MTUS1: variants seen among roughly 807,000 people sequenced by gnomAD.
MTUS1 encodes microtubule associated scaffold protein 1, also known as microtubule-associated tumor suppressor 1.
In MTUS1, 109 loss-of-function variants were observed where a neutral mutation model predicts 120.8. The observed-to-expected ratio is 0.90, with a 90% CI of 0.77 to 1.06. MTUS1 has a LOEUF of 1.06. MTUS1 is among the 50% of genes least tolerant of loss of function. The pLI, the probability that MTUS1 is intolerant of heterozygous loss-of-function variation, is 0.00. For missense variants in MTUS1, 2,210 were observed against 1,486.3 expected (o/e 1.49, Z -8.01); for synonymous variants, 737 against 550.5 (o/e 1.34, Z -4.74).
At chr8:17,680,374 G>A (rs1353730616) in intron 7 of MTUS1, among the ~76,000 whole-genome samples, 3 of 146,972 alleles carry the variant, frequency 2.0e-5, no homozygotes, top group Non-Finnish European at 4.4e-5. Flanking sequence ...TGAGTCAGGA[G>A]AACTGGTTGA....
At chr8:17,697,781 C>G in intron 6 of MTUS1, 1 of 967,884 alleles carries the variant, frequency 1.0e-6, no homozygotes, top group Non-Finnish European at 1.2e-6. Context: ...ATCCTGTAAC[C>G]ACTTGAAAGA....
chr8:17,685,209 C>T (rs971216340), intron 6 of MTUS1, among the ~76,000 whole-genome samples: 5 of 151,220 alleles, frequency 3.3e-5, no homozygotes, highest in Non-Finnish European at 7.4e-5. Context: ...GTAATAACGG[C>T]TTACACAGTT....
chr8:17,655,253 A>AG (rs959988733), intron 9 of MTUS1, among the ~76,000 whole-genome samples: 13 of 36,164 alleles, frequency 3.6e-4, no homozygotes, highest in Non-Finnish European at 1.1e-3. Context: ...TTATTCAGTG[A>AG]AAAAAAAAAT....
chr8:17,736,097 C>T (rs1436689461), intron 3 of MTUS1, among the ~76,000 whole-genome samples: 5 of 152,202 alleles, frequency 3.3e-5, no homozygotes, highest in African/African-American at 1.2e-4. Flanking sequence ...AGAGCAGCGA[C>T]TCTAAGCACT....
At chr8:17,768,881 CAATT>C (rs2049785298) in intron 1 of MTUS1, among the ~76,000 whole-genome samples, 1 of 152,040 alleles carries the variant, frequency 6.6e-6, no homozygotes, top group Non-Finnish European at 1.5e-5. Context: ...AAAGATTAAA[CAATT>C]AATGGTATTT....
chr8:17,727,672 C>T (rs1382021425), intron 3 of MTUS1, among the ~76,000 whole-genome samples: 5 of 152,072 alleles, frequency 3.3e-5, no homozygotes, highest in East Asian at 3.9e-4. Flanking sequence ...GTTACAGTTC[C>T]GAAAAGGTGA....
intron 3 of MTUS1, among the ~76,000 whole-genome samples, chr8:17,739,514 A>G (rs1035892810): frequency 1.3e-5 from 2 of 151,950 alleles, no homozygotes; most frequent in Admixed American, 1.3e-4. Flanking sequence ...TAAATAAATA[A>G]ATTAATAAAT....
At chr8:17,675,336 G>A (rs760734366) in intron 7 of MTUS1, 84 bp from the exon 8 acceptor site, 2 of 1,228,640 alleles carry the variant, frequency 1.6e-6, no homozygotes, top group African/African-American at 1.5e-5. Context: ...CTAGGAAAAT[G>A]AGACCCAGTA....
intron 6 of MTUS1, among the ~76,000 whole-genome samples, chr8:17,698,913 G>T (rs897305998): frequency 6.6e-6 from 1 of 152,036 alleles, no homozygotes; most frequent in Non-Finnish European, 1.5e-5. Context: ...TAAAATCAAG[G>T]CCAGCTGCTT....
intron 6 of MTUS1, among the ~76,000 whole-genome samples, chr8:17,700,467 C>CAAAAAAAAAAAAAAAAAAAAAA (rs565414052): frequency 1.4e-5 from 1 of 73,480 alleles, no homozygotes; most frequent in Admixed American, 1.7e-4. Flanking sequence ...CAAAACTCCT[C>CAAAAAAAAAAAAAAAAAAAAAA]AAAAAAAAAA....
In MTUS1 at chr8:17,721,970, T is replaced by C. The variant is rs1050996174; in HGVS notation, c.2449+1702A>G. ...TGTTCACTCTCATATCCCTCATGCT[T>C]GCTCTTAGTGAATTCGAATGGAGGG... On this transcript the variant is annotated intron_variant, in intron 4 of 14. Transcript: ENST00000693296. The C allele has an allele frequency of 4.1e-6, 6 of 1,472,006 alleles. No homozygotes were observed. In the African/African-American group the frequency reaches 7.1e-5, roughly 17 times the overall value. 91.2% of individuals were successfully genotyped at this position (1,472,006 alleles called of 1,614,324 possible).
chr8:17,704,768 C>T (rs2130941332), intron 6 of MTUS1, among the ~76,000 whole-genome samples: 1 of 152,100 alleles, frequency 6.6e-6, no homozygotes, highest in African/African-American at 2.4e-5. Context: ...TTCTATATGA[C>T]TTTTGGGATT....
intron 6 of MTUS1, among the ~76,000 whole-genome samples, chr8:17,706,873 C>T (rs1213146460): frequency 6.6e-6 from 1 of 152,148 alleles, no homozygotes; most frequent in Non-Finnish European, 1.5e-5. Flanking sequence ...ATCTAAATTT[C>T]ATTTAAAACG....
chr8:17,764,181 T>G (rs547604498), intron 1 of MTUS1, among the ~76,000 whole-genome samples: 2 of 152,344 alleles, frequency 1.3e-5, no homozygotes, highest in Admixed American at 1.3e-4. Context: ...TAGTCATCTT[T>G]TGTTTTGTCA....
Position 17,713,266 on chromosome 8 carries a change from G to T in MTUS1, c.2585-14C>A. 1 of 1,465,086 alleles carries T rather than the reference G, an allele frequency of 6.8e-7. No homozygotes were observed. The highest frequency in any genetic ancestry group is 9.5e-7 in the Non-Finnish European group (1 of 1,049,922). 90.8% of individuals were successfully genotyped at this position (1,465,086 alleles called of 1,614,324 possible). ...TTCTCGAAGGACCTAAGATATAAAA[G>T]AAACATGTAAAATACATATGTTTTA... On this transcript the variant is annotated splice_polypyrimidine_tract_variant and intron_variant, in intron 5 of 14. Coordinates refer to ENST00000693296, the MANE Select transcript of MTUS1 (RefSeq NM_001363059.2).
intron 1 of MTUS1, among the ~76,000 whole-genome samples, chr8:17,773,474 A>G (rs1241973749): frequency 6.6e-6 from 1 of 152,190 alleles, no homozygotes; most frequent in Non-Finnish European, 1.5e-5. Flanking sequence ...TTCTGTTGCT[A>G]CACCATAGAC....
chr8:17,702,987 G>C lies in MTUS1; in HGVS notation c.2623+10227C>G, dbSNP rs146129734. Among the ~76,000 whole-genome samples the C allele has an allele frequency of 6.6e-4, 101 of 152,276 alleles. 1 individual carries two copies. The highest frequency in any genetic ancestry group is 2.2e-3 in the African/African-American group (93 of 41,570). On this transcript the variant is annotated intron_variant, in intron 6 of 14. Transcript: ENST00000693296. ...TCTCTTAATCCTGTTATCTTTGTAAGCTGAGGATGTACGTCACCTCAGGAC... is the reference window on the plus strand; with the variant it reads ...TCTCTTAATCCTGTTATCTTTGTAACCTGAGGATGTACGTCACCTCAGGAC...
intron 2 of MTUS1, among the ~76,000 whole-genome samples, chr8:17,746,530 G>T (rs1390295692): frequency 6.6e-6 from 1 of 152,106 alleles, no homozygotes; most frequent in African/African-American, 2.4e-5. Context: ...AAAGCCAAGG[G>T]AAAGCAGTTT....
chr8:17,714,710 G>A (rs945780375), intron 5 of MTUS1, among the ~76,000 whole-genome samples: 3 of 151,858 alleles, frequency 2.0e-5, no homozygotes, highest in African/African-American at 7.3e-5. Flanking sequence ...TACATACAGA[G>A]GAAAAAAGTC....
Sources: gnomAD v4.1 joint callset for allele counts (sites outside exome capture counted in the v4.1 genomes callset) on GRCh38, gnomAD v4.1.1 for gene constraint, MANE v1.5 for transcripts, NCBI Gene and HGNC (gene_info 2026-07-23, HGNC 2026-07-21) for gene names.